The following LSM2 variants were observed in gnomAD, a reference collection of about 807,000 sequenced individuals.
The protein encoded by LSM2 is U6 snRNA-associated Sm-like protein LSm2.
LSM2 carries 12 observed loss-of-function variants against 17.0 expected under a neutral mutation model. The ratio of observed to expected loss-of-function variants is 0.70; its 90% CI spans 0.45 to 1.14. The LOEUF (loss-of-function observed/expected upper bound fraction) is 1.14. Among genes scored for constraint, LSM2 ranks in the 50% most tolerant of loss-of-function variants. The pLI is 0.00. For missense variants in LSM2, 62 were observed against 111.8 expected (o/e 0.55, Z 2.01); for synonymous variants, 42 against 44.5 (o/e 0.94, Z 0.22).
chr6:31,797,751 G>T lies in LSM2; in HGVS notation c.*6C>A, dbSNP rs1441766453. On this transcript the variant is annotated 3_prime_UTR_variant, in exon 5 of 5. Coordinates refer to ENST00000375661, the MANE Select transcript of LSM2 (RefSeq NM_021177.5). The stretch of plus-strand genomic sequence containing the variant: ...GAAAGAGGGAGGGGAAGAGGAGGAG[G>T]AGCCATCACTGTTTCTGCTGCAGGG... 1.9e-6 allele frequency: 3 copies of T among 1,612,372 alleles called. No homozygotes were observed. Among genetic ancestry groups the T allele is most frequent in the Non-Finnish European group, 2.5e-6 (3 of 1,179,920 alleles).
chr6:31,804,638 T>C (rs1485520542), intron 2 of LSM2, among the ~76,000 whole-genome samples: 1 of 152,202 alleles, frequency 6.6e-6, no homozygotes, highest in Non-Finnish European at 1.5e-5. Context: ...CACTACATGG[T>C]TTCACCATGT....
chr6:31,801,520 C>T (rs945786215), intron 2 of LSM2, among the ~76,000 whole-genome samples: 1 of 152,140 alleles, frequency 6.6e-6, no homozygotes, highest in East Asian at 1.9e-4. Context: ...TTTGGCCAGG[C>T]GTGGTGGCTC....
Position 31,806,055 on chromosome 6 carries a change from T to G in LSM2, c.71+20A>C. ...CTGGGCACACCCACCCCCAACAGAC[T>G]TGTTGGAACAGGTACCTACCTCAGG... On this transcript the variant is annotated intron_variant, in intron 2 of 4. Coordinates refer to ENST00000375661, the MANE Select transcript of LSM2 (RefSeq NM_021177.5). 2 of 1,608,772 alleles carry G rather than the reference T, an allele frequency of 1.2e-6. No individual in the cohort carries two copies. Among genetic ancestry groups the G allele is most frequent in the Non-Finnish European group, 1.7e-6 (2 of 1,176,208 alleles).
chr6:31,806,157 G>A lies in LSM2; in HGVS notation c.4-15C>T, dbSNP rs765357943. ...GAATAGAAGAGCTATTGGGAGAGAG[G>A]GGGAAAACCATCATGTGGGAAGGAG... is the stretch of plus-strand genomic sequence containing the variant. On this transcript the variant is annotated splice_polypyrimidine_tract_variant and intron_variant, in intron 1 of 4. Coordinates refer to ENST00000375661, the MANE Select transcript of LSM2 (RefSeq NM_021177.5). 1 of 1,611,882 alleles carries A rather than the reference G, an allele frequency of 6.2e-7. No individual in the cohort carries two copies. Among genetic ancestry groups the A allele is most frequent in the Non-Finnish European group, 8.5e-7 (1 of 1,179,036 alleles).
intron 2 of LSM2, among the ~76,000 whole-genome samples, chr6:31,802,019 C>G (rs9461726): frequency 2.6e-5 from 4 of 151,922 alleles, no homozygotes; most frequent in Non-Finnish European, 5.9e-5. Context: ...CAGTGGCTCA[C>G]GTCTGTAATC....
chr6:31,806,504 G>A (rs1815045338), intron 1 of LSM2: 1 of 628,880 alleles, frequency 1.6e-6, no homozygotes, highest in South Asian at 1.9e-5. Flanking sequence ...GAAGTGCTCT[G>A]AGGTCTAACT....
At position 31,806,864 on chromosome 6, in the gene LSM2, G is replaced by A; in HGVS notation, c.-107C>T. ...CCCGCGCGTGGGGCGAGGCGGGACC[G>A]CGCAGGCGCAGCGGGAAGCGACGCA... On this transcript the variant is annotated 5_prime_UTR_variant, in exon 1 of 5. Transcript: ENST00000375661. The A allele has an allele frequency of 1.4e-6, 2 of 1,396,184 alleles. No individual in the cohort carries two copies. Among genetic ancestry groups the A allele is most frequent in the Non-Finnish European group, 1.9e-6 (2 of 1,049,028 alleles). The allele number at this position is 1,396,184 out of a possible 1,614,324, so 86.5% of individuals were successfully genotyped here. A position where few individuals can be genotyped will look rare whatever the true frequency, so the allele number is the denominator to read the frequency against.
intron 2 of LSM2, among the ~76,000 whole-genome samples, chr6:31,800,154 G>A (rs1026103163): frequency 1.3e-5 from 2 of 151,978 alleles, no homozygotes; most frequent in Admixed American, 1.3e-4. Flanking sequence ...GGCCAACATC[G>A]TGAAACCCCA....
intron 2 of LSM2, among the ~76,000 whole-genome samples, chr6:31,804,359 CAA>C (rs1169315674): frequency 2.4e-4 from 20 of 84,386 alleles, no homozygotes; most frequent in South Asian, 3.5e-4. Context: ...AACTCCATCT[CAA>C]AAAAAAAAAA....
chr6:31,805,446 C>A (rs1375436077), intron 2 of LSM2, among the ~76,000 whole-genome samples: 1 of 150,644 alleles, frequency 6.6e-6, no homozygotes, highest in African/African-American at 2.4e-5. Context: ...CTCACTGCAA[C>A]CTCTGCCGCC....
At chr6:31,798,102 CAA>C (rs1814492082) in intron 3 of LSM2, 53 bp from the exon 4 acceptor site, 2 of 1,393,874 alleles carry the variant, frequency 1.4e-6, no homozygotes, top group Non-Finnish European at 1.9e-6. Flanking sequence ...TTTTTTGAGA[CAA>C]GAGTTTTGCT....
At chr6:31,806,682 A>G (rs1489807881) in intron 1 of LSM2, 73 bp downstream of exon 1, 24 of 1,578,994 alleles carry the variant, frequency 1.5e-5, no homozygotes, top group Non-Finnish European at 2.0e-5. Context: ...GCCTAGGGGT[A>G]CAAAGGCCAG....
At chr6:31,804,771 T>C (rs1050425984) in intron 2 of LSM2, among the ~76,000 whole-genome samples, 7 of 128,348 alleles carry the variant, frequency 5.5e-5, no homozygotes, top group South Asian at 5.9e-4. Flanking sequence ...TTCTTTTTTT[T>C]TTTTTTTTTT....
chr6:31,804,894 G>A (rs559631783), intron 2 of LSM2, among the ~76,000 whole-genome samples: 1 of 148,458 alleles, frequency 6.7e-6, no homozygotes, highest in East Asian at 2.0e-4. Context: ...AGACTCCCAA[G>A]TAGCTGGAAC....
intron 2 of LSM2, among the ~76,000 whole-genome samples, chr6:31,805,032 C>T (rs1814939164): frequency 2.0e-5 from 3 of 151,934 alleles, no homozygotes; most frequent in Admixed American, 1.3e-4. Context: ...TCCCAAAGTG[C>T]TGGGATTACA....
chr6:31,804,754 CTTTTTTTTCTTTTTTTTTTTTTT>C (rs1287883632), intron 2 of LSM2, among the ~76,000 whole-genome samples: 3 of 126,314 alleles, frequency 2.4e-5, no homozygotes, highest in Admixed American at 8.2e-5. Flanking sequence ...ATGGCCTGTT[CTTTTTTTTCTTTTTTTTTTTTTT>C]TTTTTTTGAG....
At chr6:31,804,816 G>C (rs766595353) in intron 2 of LSM2, among the ~76,000 whole-genome samples, 38 of 145,468 alleles carry the variant, frequency 2.6e-4, no homozygotes, top group Non-Finnish European at 2.5e-4. Flanking sequence ...ACCCAGGCTG[G>C]AGTGCGGTGG....
intron 1 of LSM2, 83 bp from the exon 2 acceptor site, chr6:31,806,225 G>GTCAAA: frequency 6.2e-6 from 8 of 1,290,110 alleles, no homozygotes; most frequent in Non-Finnish European, 8.9e-6. Flanking sequence ...ACCAAATACT[G>GTCAAA]GTATTGTGAA....
At chr6:31,806,663 C>G in intron 1 of LSM2, 92 bp downstream of exon 1, 1 of 1,516,634 alleles carries the variant, frequency 6.6e-7, no homozygotes, top group Non-Finnish European at 9.0e-7. Flanking sequence ...AACTCCGGAC[C>G]TAACTCCAGC....
Sources: gnomAD v4.1 joint callset for allele counts (sites outside exome capture counted in the v4.1 genomes callset) on GRCh38, gnomAD v4.1.1 for gene constraint, MANE v1.5 for transcripts, NCBI Gene and HGNC (gene_info 2026-07-23, HGNC 2026-07-21) for gene names.